ASH1L: variants seen among roughly 807,000 people sequenced by gnomAD.
The protein encoded by ASH1L is ASH1 like histone lysine methyltransferase.
A neutral mutation model predicts 269.0 loss-of-function variants in ASH1L; 23 were observed. The ratio of observed to expected loss-of-function variants is 0.09; its 90% confidence interval spans 0.06 to 0.12. The LOEUF is 0.12. Among genes scored for constraint, ASH1L ranks in the 10% least tolerant of loss-of-function variants. ASH1L has a pLI of 1.00. For synonymous variants in ASH1L, 1,187 were observed against 1,253.5 expected (o/e 0.95, Z 1.12); for missense variants, 2,912 against 3,567.8 (o/e 0.82, Z 4.68).
At chr1:155,413,666 TTCTG>T (rs1342795585) in intron 6 of ASH1L, among the ~76,000 whole-genome samples, 3 of 152,118 alleles carry the variant, frequency 2.0e-5, no homozygotes, top group Non-Finnish European at 4.4e-5. Context: ...TCCTCCTCTT[TTCTG>T]TCTGTAACAA....
At chr1:155,547,937 C>T (rs1040962481) in intron 1 of ASH1L, among the ~76,000 whole-genome samples, 2 of 152,150 alleles carry the variant, frequency 1.3e-5, no homozygotes, top group African/African-American at 4.8e-5. Flanking sequence ...GATCGCACTA[C>T]TGCACTCCAG....
At chr1:155,362,105 G>C (rs901101042) in intron 12 of ASH1L, among the ~76,000 whole-genome samples, 4 of 151,574 alleles carry the variant, frequency 2.6e-5, no homozygotes, top group African/African-American at 9.7e-5. Flanking sequence ...GCAGAATCTC[G>C]GCTCACTGCA....
chr1:155,475,616 T>A (rs1211576529), intron 3 of ASH1L, among the ~76,000 whole-genome samples: 1 of 152,236 alleles, frequency 6.6e-6, no homozygotes, highest in African/African-American at 2.4e-5. Context: ...CTATGGTTTG[T>A]CTTCCTTCAC....
chr1:155,350,813 C>T (rs1345271243), intron 17 of ASH1L, among the ~76,000 whole-genome samples: 2 of 151,200 alleles, frequency 1.3e-5, no homozygotes, highest in African/African-American at 4.9e-5. Flanking sequence ...CCCAGCTACT[C>T]GGCAGGCTGA....
intron 4 of ASH1L, among the ~76,000 whole-genome samples, chr1:155,448,491 C>A (rs1663199129): frequency 6.6e-6 from 1 of 152,078 alleles, no homozygotes; most frequent in South Asian, 2.1e-4. Context: ...CCACACCACC[C>A]AACTTTCACT....
intron 1 of ASH1L, among the ~76,000 whole-genome samples, chr1:155,528,665 G>C (rs1669438734): frequency 6.6e-6 from 1 of 152,114 alleles, no homozygotes; most frequent in Non-Finnish European, 1.5e-5. Flanking sequence ...ATTATGGAGG[G>C]TGATCTGCTT....
chr1:155,563,179 C>A (rs766789160), upstream of ASH1L: 4 of 456,852 alleles, frequency 8.8e-6, no homozygotes, highest in South Asian at 3.1e-5. Flanking sequence ...CCTCTGCCCA[C>A]CGGTGGTTGG....
At chr1:155,444,413 C>T (rs1571231453) in intron 4 of ASH1L, among the ~76,000 whole-genome samples, 1 of 152,092 alleles carries the variant, frequency 6.6e-6, no homozygotes, top group African/African-American at 2.4e-5. Flanking sequence ...ATTATGCAGT[C>T]TTTTACATTT....
intron 1 of ASH1L, among the ~76,000 whole-genome samples, chr1:155,551,075 C>G (rs1188325935): frequency 6.6e-6 from 1 of 152,168 alleles, no homozygotes; most frequent in Non-Finnish European, 1.5e-5. Flanking sequence ...CCCACCTCAG[C>G]CTCCCAAAGT....
chr1:155,349,167 A>G (rs540120035), intron 19 of ASH1L, among the ~76,000 whole-genome samples, 160 bp downstream of exon 19: 1 of 152,154 alleles, frequency 6.6e-6, no homozygotes, highest in Middle Eastern at 3.4e-3. Context: ...GCCTTCTATA[A>G]TATTTAGTAT....
At chr1:155,518,607 A>G (rs1382329536) in intron 2 of ASH1L, among the ~76,000 whole-genome samples, 1 of 147,120 alleles carries the variant, frequency 6.8e-6, no homozygotes, top group Admixed American at 6.8e-5. Flanking sequence ...CAATAAGCAC[A>G]TGAAAAATTG....
At chr1:155,344,853 C>T (rs1384596541) in intron 21 of ASH1L, among the ~76,000 whole-genome samples, 2 of 152,202 alleles carry the variant, frequency 1.3e-5, no homozygotes, top group Admixed American at 1.3e-4. Context: ...GTCCAGTGCT[C>T]TTTTCACTTA....
At chr1:155,560,694 A>C (rs1671901315) in intron 1 of ASH1L, among the ~76,000 whole-genome samples, 1 of 152,180 alleles carries the variant, frequency 6.6e-6, no homozygotes, top group Non-Finnish European at 1.5e-5. Context: ...TGAATGAAAA[A>C]GGATCCTTCC....
chr1:155,471,078 A>T (rs1203364362), intron 3 of ASH1L, among the ~76,000 whole-genome samples: 1 of 152,240 alleles, frequency 6.6e-6, no homozygotes, highest in East Asian at 1.9e-4. Flanking sequence ...ACCTATTCTC[A>T]CATCTACCTG....
chr1:155,462,691 T>G (rs1664395868), intron 3 of ASH1L, among the ~76,000 whole-genome samples: 1 of 152,232 alleles, frequency 6.6e-6, no homozygotes, highest in Non-Finnish European at 1.5e-5. Context: ...CAGCAGCCTA[T>G]TCTTAGGATT....
In ASH1L at chr1:155,411,600, T is replaced by A. The variant is rs201075857; in HGVS notation, c.6008+4144A>T. 8.4e-4 allele frequency among the ~76,000 whole-genome samples: 69 copies of A among 82,482 alleles called. 4 individuals carry two copies. Among genetic ancestry groups the A allele is most frequent in the East Asian group, 1.8e-3 (4 of 2,198 alleles). 54.1% of individuals were successfully genotyped at this position (82,482 alleles called of 152,430 possible). ...ATAAATAAATAAATATATATATATA[T>A]ATATATATATATATATATGTTTTCA... On this transcript the variant is annotated intron_variant, in intron 6 of 27. Transcript: ENST00000392403.
chr1:155,530,275 T>C (rs1047020964), intron 1 of ASH1L, among the ~76,000 whole-genome samples: 4 of 152,200 alleles, frequency 2.6e-5, no homozygotes, highest in Non-Finnish European at 4.4e-5. Context: ...CATCTTTCCA[T>C]TGAAATTTGA....
chr1:155,547,509 A>C (rs1364692312), intron 1 of ASH1L, among the ~76,000 whole-genome samples: 2 of 152,048 alleles, frequency 1.3e-5, no homozygotes, highest in Admixed American at 6.6e-5. Context: ...AGATCACCTG[A>C]GGTCAGGAGT....
intron 4 of ASH1L, among the ~76,000 whole-genome samples, chr1:155,459,058 C>G (rs1664089692): frequency 6.7e-6 from 1 of 148,624 alleles, no homozygotes; most frequent in Admixed American, 6.9e-5. Flanking sequence ...TATGTATTAA[C>G]AGGTTGTAAA....
Sources: allele counts gnomAD v4.1 joint callset (sites outside exome capture counted in the v4.1 genomes callset), GRCh38; gene constraint gnomAD v4.1.1; transcripts MANE v1.5; gene names NCBI Gene and HGNC (gene_info 2026-07-23, HGNC 2026-07-21).